PDZRN4: variants seen among roughly 807,000 people sequenced by gnomAD.
PDZRN4 encodes PDZ domain containing ring finger 4, also known as PDZ domain-containing RING finger protein 4.
In PDZRN4, 70 loss-of-function variants were observed where a neutral mutation model predicts 99.0. The observed-to-expected ratio is 0.71, with a 90% CI of 0.58 to 0.86. The LOEUF (loss-of-function observed/expected upper bound fraction) is 0.86. Among genes scored for constraint, PDZRN4 ranks in the 40% least tolerant of loss-of-function variants. PDZRN4 has a pLI of 0.00. For missense variants in PDZRN4, 1,474 were observed against 1,331.2 expected (o/e 1.11, Z -1.67); for synonymous variants, 551 against 501.6 (o/e 1.10, Z -1.32).
At chr12:41,539,840 T>A (rs575194145) in intron 5 of PDZRN4, among the ~76,000 whole-genome samples, 19 of 152,298 alleles carry the variant, frequency 1.2e-4, no homozygotes, top group African/African-American at 4.3e-4. Context: ...CAGTCTGGAA[T>A]TCAATGTATA....
chr12:41,234,973 C>T (rs1951055962), intron 3 of PDZRN4, among the ~76,000 whole-genome samples: 2 of 152,088 alleles, frequency 1.3e-5, no homozygotes, highest in South Asian at 2.1e-4. Context: ...AGCCAACAGT[C>T]TGTGTAAATG....
At chr12:41,570,970 C>G (rs1939461131) in intron 9 of PDZRN4, among the ~76,000 whole-genome samples, 1 of 152,088 alleles carries the variant, frequency 6.6e-6, no homozygotes, top group African/African-American at 2.4e-5. Flanking sequence ...TATCCTGCCA[C>G]TACTTTTGTG....
chr12:41,392,127 G>A (rs1952214724), intron 3 of PDZRN4, among the ~76,000 whole-genome samples: 3 of 152,064 alleles, frequency 2.0e-5, no homozygotes, highest in Admixed American at 2.0e-4. Flanking sequence ...GTGAATTAAA[G>A]TATGAATCTG....
chr12:41,376,867 T>C (rs1043740063), intron 3 of PDZRN4, among the ~76,000 whole-genome samples: 1 of 152,202 alleles, frequency 6.6e-6, no homozygotes, highest in African/African-American at 2.4e-5. Flanking sequence ...TTATGATTTA[T>C]ATTTAAGTTT....
chr12:41,240,238 A>G (rs1221877009), intron 3 of PDZRN4, among the ~76,000 whole-genome samples: 2 of 152,088 alleles, frequency 1.3e-5, no homozygotes. Flanking sequence ...TTTCCTTAAT[A>G]TTTGTTTCTT....
intron 3 of PDZRN4, among the ~76,000 whole-genome samples, chr12:41,219,612 G>T (rs1360203948): frequency 6.6e-6 from 1 of 152,018 alleles, no homozygotes; most frequent in African/African-American, 2.4e-5. Context: ...AGGTATTAAA[G>T]CTGCCTCCCG....
chr12:41,545,701 T>C (rs1938938577), intron 5 of PDZRN4, among the ~76,000 whole-genome samples: 1 of 152,132 alleles, frequency 6.6e-6, no homozygotes, highest in African/African-American at 2.4e-5. Flanking sequence ...TTGGGGATTT[T>C]TCTTTTGCTG....
At chr12:41,252,629 A>G (rs1464707744) in intron 3 of PDZRN4, among the ~76,000 whole-genome samples, 1 of 152,134 alleles carries the variant, frequency 6.6e-6, no homozygotes, top group African/African-American at 2.4e-5. Flanking sequence ...AATCCCAGCT[A>G]CTAGGGAGGC....
chr12:41,285,520 AT>A (rs1261588838), intron 3 of PDZRN4, among the ~76,000 whole-genome samples: 2 of 152,154 alleles, frequency 1.3e-5, no homozygotes, highest in Admixed American at 6.5e-5. Flanking sequence ...TACCCAAAGG[AT>A]TATAAATCAT....
chr12:41,456,245 C>T (rs1429604007), intron 3 of PDZRN4, among the ~76,000 whole-genome samples: 1 of 152,208 alleles, frequency 6.6e-6, no homozygotes, highest in Non-Finnish European at 1.5e-5. Context: ...TCCTGATAGC[C>T]TTCCACAGAC....
chr12:41,463,743 C>A (rs527823205), intron 3 of PDZRN4, among the ~76,000 whole-genome samples: 1 of 152,262 alleles, frequency 6.6e-6, no homozygotes, highest in South Asian at 2.1e-4. Flanking sequence ...GTTACTCACA[C>A]CCACTTTGTT....
At chr12:41,385,990 G>C (rs957871445) in intron 3 of PDZRN4, among the ~76,000 whole-genome samples, 3 of 152,142 alleles carry the variant, frequency 2.0e-5, no homozygotes, top group African/African-American at 7.2e-5. Context: ...CTTTATCCCA[G>C]GGATGCAAGG....
intron 3 of PDZRN4, among the ~76,000 whole-genome samples, chr12:41,335,600 A>T (rs1463102569): frequency 6.6e-6 from 1 of 152,146 alleles, no homozygotes; most frequent in Admixed American, 6.6e-5. Flanking sequence ...ATACAATAAA[A>T]CATATTTATA....
At chr12:41,566,341 C>A (rs1368413103) in intron 8 of PDZRN4, among the ~76,000 whole-genome samples, 1 of 152,082 alleles carries the variant, frequency 6.6e-6, no homozygotes, top group Non-Finnish European at 1.5e-5. Flanking sequence ...AAGCACTCCC[C>A]ATTTTAAGTA....
intron 3 of PDZRN4, among the ~76,000 whole-genome samples, chr12:41,496,826 C>T (rs1183301319): frequency 6.6e-6 from 1 of 152,092 alleles, no homozygotes; most frequent in South Asian, 2.1e-4. Flanking sequence ...GTGCCAAGCA[C>T]ATTTTTAGGC....
chr12:41,426,138 C>T (rs1952534419), intron 3 of PDZRN4, among the ~76,000 whole-genome samples: 1 of 152,190 alleles, frequency 6.6e-6, no homozygotes, highest in South Asian at 2.1e-4. Flanking sequence ...AATCTAATAA[C>T]TAAATCCACT....
At chr12:41,349,924 A>T (rs912665366) in intron 3 of PDZRN4, among the ~76,000 whole-genome samples, 1 of 151,962 alleles carries the variant, frequency 6.6e-6, no homozygotes, top group African/African-American at 2.4e-5. Context: ...TATAATATAT[A>T]TGAGGAATTG....
intron 8 of PDZRN4, among the ~76,000 whole-genome samples, chr12:41,565,448 T>TA (rs60759503): frequency 0.34 from 48,521 of 144,632 alleles, 8,469 homozygotes; most frequent in Admixed American, 0.41. Context: ...AAAAAAAAAC[T>TA]AAAAAAAAAA....
intron 3 of PDZRN4, among the ~76,000 whole-genome samples, chr12:41,440,596 CT>C (rs1952670630): frequency 6.6e-6 from 1 of 152,082 alleles, no homozygotes; most frequent in African/African-American, 2.4e-5. Flanking sequence ...GGAGCTAAGA[CT>C]TTCAATTGGC....
Sources: gnomAD v4.1 joint callset for allele counts (sites outside exome capture counted in the v4.1 genomes callset) on GRCh38, gnomAD v4.1.1 for gene constraint, MANE v1.5 for transcripts, NCBI Gene and HGNC (gene_info 2026-07-23, HGNC 2026-07-21) for gene names.